Variants in APIP observed in about 807,000 individuals in gnomAD.
APIP encodes APAF1 interacting protein, also known as methylthioribulose-1-phosphate dehydratase.
APIP carries 32 observed loss-of-function variants against 32.0 expected under a neutral mutation model. The observed-to-expected ratio is 1.00, with a 90% CI of 0.76 to 1.34. The LOEUF is 1.34. Ranked by LOEUF, APIP falls within the 40% of genes most tolerant of loss-of-function variation. The pLI, the probability that APIP is intolerant of heterozygous loss-of-function variation, is 0.00. For synonymous variants in APIP, 92 were observed against 94.8 expected, an observed-to-expected ratio of 0.97 and a Z score of 0.17; for missense variants, 247 against 298.6, an observed-to-expected ratio of 0.83 and a Z score of 1.27.
intron 5 of APIP, 37 bp from the exon 6 acceptor site, chr11:34,883,541 C>G (rs761225235): frequency 3.8e-6 from 6 of 1,598,104 alleles, no homozygotes; most frequent in Non-Finnish European, 5.1e-6. Flanking sequence ...TCCATTAAAA[C>G]AAATCAAGCA....
At chr11:34,912,993 C>G (rs149547767) in intron 1 of APIP, among the ~76,000 whole-genome samples, 496 of 152,290 alleles carry the variant, frequency 3.3e-3, no homozygotes, top group African/African-American at 0.011. Flanking sequence ...GGTGGACCAC[C>G]AGGCCCCAAT....
Position 34,904,019 on chromosome 11 carries a change from C to G in APIP, c.58-8909G>C, listed in dbSNP as rs114955798. 5.3e-5 allele frequency among the ~76,000 whole-genome samples: 8 copies of G among 152,060 alleles called. No individual in the cohort carries two copies. The South Asian group carries it at 1.7e-3, about 32-fold the overall frequency. The stretch of plus-strand genomic sequence containing the variant: ...TGTGAAGTCTGTCTTAAAAATAATC[C>G]CCTGAAAATGTGACTCCTTCCTCCT... On this transcript the variant is annotated intron_variant, in intron 1 of 6. Transcript: ENST00000395787.
chr11:34,916,293 C>T lies in APIP; in HGVS notation c.-9G>A, dbSNP rs772530666. On this transcript the variant is annotated 5_prime_UTR_variant, in exon 1 of 7. Coordinates refer to ENST00000395787, the MANE Select transcript of APIP (RefSeq NM_015957.4). The stretch of plus-strand genomic sequence containing the variant: ...GCATCACAGCCAGACATGGCCCAGA[C>T]CAGGGACCCGCGCGGCCTCCAATCT... 4.3e-6 allele frequency: 7 copies of T among 1,611,766 alleles called. No individual in the cohort carries two copies. In the Admixed American group the frequency reaches 8.3e-5, roughly 19 times the overall value.
intron 3 of APIP, 129 bp from the exon 4 acceptor site, chr11:34,888,998 T>A (rs984817846): frequency 2.3e-6 from 1 of 437,296 alleles, no homozygotes; most frequent in African/African-American, 2.1e-5. Flanking sequence ...CTTGTGTGTA[T>A]ATTTAGTATA....
At chr11:34,898,786 GTTTTTTTTTTTT>G (rs57593563) in intron 1 of APIP, among the ~76,000 whole-genome samples, 58 of 55,192 alleles carry the variant, frequency 1.1e-3, no homozygotes, top group African/African-American at 4.3e-3. Context: ...TCTTTCTTTG[GTTTTTTTTTTTT>G]TTTTTTTTTT....
rs114971794 is a variant in APIP, at chr11:34,915,627, A to G, written c.57+601T>C. Among the ~76,000 whole-genome samples the G allele has an allele frequency of 4.3e-3, 651 of 152,264 alleles. 4 individuals are homozygous for G. Among genetic ancestry groups the G allele is most frequent in the African/African-American group, 0.015 (618 of 41,544 alleles). On this transcript the variant is annotated intron_variant, in intron 1 of 6. Transcript: ENST00000395787. Reference sequence around the variant, plus strand: ...CTCCATAAAACTGTTGGTTTGTGTAAATGACCGAAAACTACATGCAGCGTG... The same window carrying G: ...CTCCATAAAACTGTTGGTTTGTGTAGATGACCGAAAACTACATGCAGCGTG...
At chr11:34,913,535 C>T (rs188247374) in intron 1 of APIP, among the ~76,000 whole-genome samples, 4 of 152,296 alleles carry the variant, frequency 2.6e-5, no homozygotes, top group South Asian at 4.1e-4. Context: ...CCGGTGGGTT[C>T]ATGGTCTCGC....
chr11:34,905,085 A>C (rs1590712590), intron 1 of APIP, among the ~76,000 whole-genome samples: 1 of 152,234 alleles, frequency 6.6e-6, no homozygotes, highest in Non-Finnish European at 1.5e-5. Flanking sequence ...CAGTAGGACT[A>C]TATGCTGTAG....
chr11:34,887,306 A>G (rs1853093783), intron 5 of APIP, among the ~76,000 whole-genome samples: 1 of 152,220 alleles, frequency 6.6e-6, no homozygotes, highest in Non-Finnish European at 1.5e-5. Context: ...AATAACATTC[A>G]TATGAAACTG....
At chr11:34,884,467 A>G (rs1853024247) in intron 5 of APIP, among the ~76,000 whole-genome samples, 1 of 152,186 alleles carries the variant, frequency 6.6e-6, no homozygotes, top group Non-Finnish European at 1.5e-5. Context: ...GCTCATAGCT[A>G]TAATCCCAGC....
At position 34,915,119 on chromosome 11, in the gene APIP, T is replaced by A. The variant is rs914309505; in HGVS notation, c.57+1109A>T. On this transcript the variant is annotated intron_variant, in intron 1 of 6. Coordinates refer to ENST00000395787, the MANE Select transcript of APIP (RefSeq NM_015957.4). ...CTGTGGGCCATGTTTGGTTTGAGAA[T>A]CCTAGTTTATTCTCGGGTCCCTTAA... Among the ~76,000 whole-genome samples the A allele has an allele frequency of 2.7e-5, 4 of 150,128 alleles. No individual in the cohort carries two copies. The Admixed American group carries it at 2.7e-4, about 10-fold the overall frequency.
chr11:34,885,152 A>G (rs974632626), intron 5 of APIP, among the ~76,000 whole-genome samples: 1 of 148,332 alleles, frequency 6.7e-6, no homozygotes, highest in Non-Finnish European at 1.5e-5. Flanking sequence ...ATACCTATAT[A>G]TGTATAGGTA....
In APIP at chr11:34,888,278, AG is replaced by A. The variant is rs751693741; in HGVS notation, c.461+14del. The stretch of plus-strand genomic sequence containing the variant: ...ATTCTTTTCAAATTATTTAAGAAAA[AG>A]GAAAAAAAAATACCTATAATACCCT... On this transcript the variant is annotated intron_variant, in intron 5 of 6. Coordinates refer to ENST00000395787, the MANE Select transcript of APIP (RefSeq NM_015957.4). The A allele has an allele frequency of 6.7e-7, 1 of 1,496,386 alleles. No homozygotes were observed. The highest frequency in any genetic ancestry group is 8.9e-7 in the Non-Finnish European group (1 of 1,125,096). 92.7% of individuals were successfully genotyped at this position (1,496,386 alleles called of 1,614,324 possible).
intron 3 of APIP, among the ~76,000 whole-genome samples, chr11:34,889,644 C>T (rs1324885348): frequency 6.6e-6 from 1 of 152,088 alleles, no homozygotes; most frequent in African/African-American, 2.4e-5. Flanking sequence ...CCACCCTCCA[C>T]CCTCCAGTAG....
At position 34,894,993 on chromosome 11, in the gene APIP, G is replaced by T. The variant is rs761893388; in HGVS notation, c.158+17C>A. ...CAAATGGAGAGTTCCCAGTAATAAA[G>T]GCTGCCAGAAACTTACCCATGCTTC... On this transcript the variant is annotated intron_variant, in intron 2 of 6. Coordinates refer to ENST00000395787, the MANE Select transcript of APIP (RefSeq NM_015957.4). 22 of 1,601,522 alleles carry T rather than the reference G, an allele frequency of 1.4e-5. No individual in the cohort carries two copies. The highest frequency in any genetic ancestry group is 1.9e-5 in the Non-Finnish European group (22 of 1,168,640).
chr11:34,892,810 G>T (rs989380704), intron 2 of APIP, among the ~76,000 whole-genome samples: 1 of 152,036 alleles, frequency 6.6e-6, no homozygotes, highest in African/African-American at 2.4e-5. Flanking sequence ...TATTGCGTTT[G>T]CATTTTATTC....
intron 2 of APIP, among the ~76,000 whole-genome samples, chr11:34,894,051 G>T (rs1050549639): frequency 3.3e-5 from 5 of 152,028 alleles, no homozygotes; most frequent in Non-Finnish European, 7.4e-5. Flanking sequence ...ATCCTGTATT[G>T]GAAATCCTTG....
chr11:34,891,470 G>A (rs1853185769), intron 2 of APIP, among the ~76,000 whole-genome samples: 1 of 152,114 alleles, frequency 6.6e-6, no homozygotes, highest in Non-Finnish European at 1.5e-5. Flanking sequence ...GTACCTGCAT[G>A]CTCTAGTTTC....
intron 1 of APIP, among the ~76,000 whole-genome samples, chr11:34,910,531 G>A (rs1189111815): frequency 3.9e-5 from 6 of 152,168 alleles, no homozygotes; most frequent in Non-Finnish European, 8.8e-5. Flanking sequence ...TAAGAGGTCA[G>A]CCTTTGTCGA....
Sources: allele counts gnomAD v4.1 joint callset (sites outside exome capture counted in the v4.1 genomes callset), GRCh38; gene constraint gnomAD v4.1.1; transcripts MANE v1.5; gene names NCBI Gene and HGNC (gene_info 2026-07-23, HGNC 2026-07-21).